The following DMD variants were observed in gnomAD, a reference collection of about 807,000 sequenced individuals.
DMD encodes dystrophin, also known as mutant dystrophin.
A neutral mutation model predicts 330.1 loss-of-function variants in DMD; 63 were observed. The observed-to-expected ratio is 0.19, with a 90% CI of 0.16 to 0.24. The LOEUF is 0.24. Ranked by LOEUF, DMD falls within the 10% of genes least tolerant of loss-of-function variation. DMD has a pLI of 1.00. For missense variants in DMD, 3,344 were observed against 2,684.1 expected, an observed-to-expected ratio of 1.25 and a Z score of -5.43; for synonymous variants, 1,223 against 959.8, an observed-to-expected ratio of 1.27 and a Z score of -5.07.
intron 2 of DMD, among the ~76,000 whole-genome samples, chrX:32,862,363 A>G (rs2082133937): frequency 8.9e-6 from 1 of 112,167 alleles, no homozygotes; most frequent in African/African-American, 3.2e-5. Flanking sequence ...CGAACTTTAA[A>G]TAGGAAACCA....
rs2039773609 is a variant in DMD at position 31,169,517 on chromosome X, C to A, written c.10479G>T (p.Gln3493His). The A allele has an allele frequency of 8.3e-7, 1 of 1,199,772 alleles. No homozygotes were observed. Among genetic ancestry groups the A allele is most frequent in the African/African-American group, 1.8e-5 (1 of 56,866 alleles). ...CCTCACTCTCTAAGGAAATCAAGAT[C>A]TGGGCAGGACTACGAGGCTGGCTCA... ...SPLSQPRSPA[Q>H]ILISLESEER... Residue 3493 changes from glutamine to histidine, a missense_variant, in exon 74 of 79, where the codon CAG (glutamine) becomes CAT (histidine). By Grantham distance (24) the Gln-to-His change is conservative (BLOSUM62 0). Coordinates refer to ENST00000357033, the MANE Select transcript of DMD (RefSeq NM_004006.3).
At chrX:31,553,131 C>T (rs1239241488) in intron 55 of DMD, among the ~76,000 whole-genome samples, 2 of 111,878 alleles carry the variant, frequency 1.8e-5, no homozygotes, top group Non-Finnish European at 3.8e-5. Context: ...CCCAGACCAA[C>T]TGACACAGAA....
intron 43 of DMD, among the ~76,000 whole-genome samples, chrX:32,256,310 C>G (rs1183747062): frequency 2.2e-5 from 2 of 89,654 alleles, no homozygotes; most frequent in African/African-American, 9.3e-5. Flanking sequence ...ATTGTAACCC[C>G]TGTTTTTTTT....
At chrX:32,687,724 G>A (rs910409302) in intron 9 of DMD, among the ~76,000 whole-genome samples, 1 of 111,373 alleles carries the variant, frequency 9.0e-6, no homozygotes, top group African/African-American at 3.3e-5. Context: ...GAACCCATCT[G>A]AGACCCAGAA....
At chrX:31,911,672 G>C (rs936625006) in intron 47 of DMD, among the ~76,000 whole-genome samples, 4 of 111,771 alleles carry the variant, frequency 3.6e-5, no homozygotes, top group African/African-American at 1.3e-4. Flanking sequence ...ATTTGGCCAA[G>C]TTACTGCTAA....
At chrX:33,013,847 G>A (rs748297226) in intron 2 of DMD, among the ~76,000 whole-genome samples, 9 of 112,089 alleles carry the variant, frequency 8.0e-5, no homozygotes, top group Non-Finnish European at 1.7e-4. Context: ...GCGCACGCGC[G>A]TGTGTGTGTT....
chrX:33,160,540 A>T (rs761051547), intron 1 of DMD, among the ~76,000 whole-genome samples: 1 of 112,480 alleles, frequency 8.9e-6, no homozygotes, highest in Non-Finnish European at 1.9e-5. Context: ...GAACCCTTAA[A>T]TACATTCCAT....
chrX:32,158,597 G>A (rs776558491), intron 44 of DMD, among the ~76,000 whole-genome samples: 1 of 110,953 alleles, frequency 9.0e-6, no homozygotes, highest in East Asian at 2.8e-4. Flanking sequence ...GTGAATTTGT[G>A]TCCTATTGCC....
In DMD at chrX:31,648,284, T is replaced by A. The variant is rs1376128501; in HGVS notation, c.8027+9706A>T. Among the ~76,000 whole-genome samples the A allele has an allele frequency of 4.5e-5, 5 of 111,099 alleles. No homozygotes were observed. The Admixed American group carries it at 4.8e-4, about 11-fold the overall frequency. The stretch of plus-strand genomic sequence containing the variant: ...ATCACTTGTACTAAAGGAAAGAAGT[T>A]ATTTCAAAATATAGAAGAAACATCC... On this transcript the variant is annotated intron_variant, in intron 54 of 78. Coordinates refer to ENST00000357033, the MANE Select transcript of DMD (RefSeq NM_004006.3).
At chrX:31,590,913 A>C (rs1249283402) in intron 55 of DMD, among the ~76,000 whole-genome samples, 1 of 111,379 alleles carries the variant, frequency 9.0e-6, no homozygotes, top group Non-Finnish European at 1.9e-5. Flanking sequence ...GTGAAGAGTG[A>C]CTCATCAGTG....
At chrX:32,017,399 T>G (rs1479222612) in intron 44 of DMD, among the ~76,000 whole-genome samples, 1 of 112,014 alleles carries the variant, frequency 8.9e-6, no homozygotes, top group Non-Finnish European at 1.9e-5. Flanking sequence ...CAACAAACAT[T>G]GGCATCGTCG....
In DMD at chrX:31,458,435, C is replaced by T. The variant is rs144850419; in HGVS notation, c.8938-13808G>A. 8.1e-3 allele frequency among the ~76,000 whole-genome samples: 810 copies of T among 99,748 alleles called. 7 individuals carry two copies. The highest frequency in any genetic ancestry group is 0.012 in the Non-Finnish European group (599 of 50,414). The allele number at this position is 99,748 out of a possible 115,157, so 86.6% of individuals were successfully genotyped here. ...ATGATAATGTCCAGTTAAGTACATG[C>T]AAATGATGAATAAATTACTACTTAC... On this transcript the variant is annotated intron_variant, in intron 59 of 78. Coordinates refer to ENST00000357033, the MANE Select transcript of DMD (RefSeq NM_004006.3).
At chrX:33,004,167 C>A (rs1414945018) in intron 2 of DMD, among the ~76,000 whole-genome samples, 1 of 81,596 alleles carries the variant, frequency 1.2e-5, no homozygotes, top group African/African-American at 4.1e-5. Context: ...TATTTGAAGC[C>A]TTTCCAATAA....
intron 7 of DMD, among the ~76,000 whole-genome samples, chrX:32,803,418 C>G (rs1338444458): frequency 9.5e-6 from 1 of 105,234 alleles, no homozygotes; most frequent in Non-Finnish European, 1.9e-5. Context: ...AAAACAGCTC[C>G]TGAATTGAGT....
intron 44 of DMD, among the ~76,000 whole-genome samples, chrX:32,113,152 G>C (rs910980816): frequency 8.9e-6 from 1 of 112,701 alleles, no homozygotes; most frequent in East Asian, 2.8e-4. Context: ...AGTTACGTTT[G>C]CACCTGCACA....
chrX:31,263,016 G>C (rs2050677559), intron 62 of DMD, among the ~76,000 whole-genome samples: 1 of 112,664 alleles, frequency 8.9e-6, no homozygotes, highest in Non-Finnish European at 1.9e-5. Context: ...AGGGAGAAAG[G>C]AAGAGCGAAG....
chrX:31,568,865 T>C (rs1357786786), intron 55 of DMD, among the ~76,000 whole-genome samples: 1 of 111,574 alleles, frequency 9.0e-6, no homozygotes, highest in Non-Finnish European at 1.9e-5. Context: ...TGTGGGTTAT[T>C]TGAACATTTC....
chrX:33,314,632 G>A (rs1034278682), intron 1 of DMD, among the ~76,000 whole-genome samples: 13 of 97,403 alleles, frequency 1.3e-4, no homozygotes, highest in African/African-American at 3.1e-4. Flanking sequence ...TCAATGGGGC[G>A]CTGTTCATTC....
intron 50 of DMD, among the ~76,000 whole-genome samples, chrX:31,807,544 C>CA (rs968046150): frequency 3.7e-5 from 4 of 108,095 alleles, no homozygotes; most frequent in Admixed American, 2.0e-4. Flanking sequence ...CTAGAGGAGC[C>CA]AAAAAAAGAA....
Sources: allele counts gnomAD v4.1 joint callset (sites outside exome capture counted in the v4.1 genomes callset), GRCh38; gene constraint gnomAD v4.1.1; transcripts MANE v1.5; gene names NCBI Gene and HGNC (gene_info 2026-07-23, HGNC 2026-07-21).